MTIF3: variants seen among roughly 807,000 people sequenced by gnomAD.
The protein encoded by MTIF3 is mitochondrial translational initiation factor 3.
In MTIF3, 13 loss-of-function variants were observed where a neutral mutation model predicts 20.7. The ratio of observed to expected loss-of-function variants is 0.63; its 90% CI spans 0.41 to 1.00. MTIF3 has a LOEUF of 1.00. Ranked by LOEUF, MTIF3 falls within the 50% of genes least tolerant of loss-of-function variation. MTIF3 has a pLI of 0.00. For missense variants in MTIF3, 295 were observed against 324.5 expected (o/e 0.91, Z 0.70); for synonymous variants, 114 against 112.5 (o/e 1.01, Z -0.08).
chr13:27,442,355 C>T (rs1285431750), intron 2 of MTIF3, among the ~76,000 whole-genome samples: 1 of 152,216 alleles, frequency 6.6e-6, no homozygotes, highest in Non-Finnish European at 1.5e-5. Flanking sequence ...CCGCGCCGCT[C>T]AACTGCATCA....
At chr13:27,445,183 G>A (rs1954139847) in intron 1 of MTIF3, 27 bp from the exon 2 acceptor site, 1 of 152,124 alleles carries the variant, frequency 6.6e-6, no homozygotes, top group African/African-American at 2.4e-5. Context: ...AAAAGTAAAA[G>A]TAATTAGAAA....
At chr13:27,437,681 G>C (rs1392909395) in intron 3 of MTIF3, among the ~76,000 whole-genome samples, 2 of 152,164 alleles carry the variant, frequency 1.3e-5, no homozygotes, top group East Asian at 3.9e-4. Flanking sequence ...TGTTGGACAG[G>C]TAAGGGTCCC....
rs756220347 is a variant in MTIF3 at position 27,439,988 on chromosome 13, C to T, written c.460+1G>A. The stretch of plus-strand genomic sequence containing the variant: ...CAGGGAGCCAACAGCAAAATACCTA[C>T]CAGTTTTGGGGTTCGCCTTCTCCAT... On this transcript the variant is annotated splice_donor_variant, in intron 3 of 4. Coordinates refer to ENST00000381120, the MANE Select transcript of MTIF3 (RefSeq NM_152912.5). LOFTEE classifies it high-confidence loss of function. The T allele has an allele frequency of 6.8e-6, 11 of 1,611,964 alleles. No homozygotes were observed. The South Asian group carries it at 9.9e-5, about 14-fold the overall frequency.
chr13:27,437,215 G>A lies in MTIF3; in HGVS notation c.519C>T (p.Asp173=). Residue 173 remains aspartate, a synonymous_variant, in exon 4 of 5, where the codon GAC becomes GAT. Coordinates refer to ENST00000381120, the MANE Select transcript of MTIF3 (RefSeq NM_152912.5). ...LSSNIGQHDL[D]TKTKQIQQWI... is the part of the protein sequence containing the mutation. ...ACTGCTGAATCTGTTTAGTCTTTGT[G>A]TCCAAATCATGTTGTCCAATATTTG... 6.2e-7 allele frequency: 1 copy of A among 1,613,886 alleles called. No homozygotes were observed. The highest frequency in any genetic ancestry group is 8.5e-7 in the Non-Finnish European group (1 of 1,179,940).
chr13:27,442,803 A>G (rs113075922), intron 2 of MTIF3, among the ~76,000 whole-genome samples: 5 of 152,110 alleles, frequency 3.3e-5, no homozygotes, highest in African/African-American at 9.7e-5. Context: ...TCTCAAACCC[A>G]TTACCTTGCC....
chr13:27,436,706 T>A (rs1953769477), intron 4 of MTIF3, among the ~76,000 whole-genome samples: 1 of 151,498 alleles, frequency 6.6e-6, no homozygotes, highest in Non-Finnish European at 1.5e-5. Context: ...GGTGGAAGAA[T>A]TACCAGTCAC....
chr13:27,436,993 C>T (rs773482494), intron 4 of MTIF3, 123 bp downstream of exon 4: 55 of 903,736 alleles, frequency 6.1e-5, no homozygotes, highest in Middle Eastern at 2.8e-4. Context: ...TCTCGTGATC[C>T]GCCCACCTTG....
At chr13:27,438,639 G>C (rs969126639) in intron 3 of MTIF3, among the ~76,000 whole-genome samples, 1 of 152,006 alleles carries the variant, frequency 6.6e-6, no homozygotes, top group Non-Finnish European at 1.5e-5. Flanking sequence ...GGGATCACAG[G>C]TTTGCACCAC....
chr13:27,438,489 T>G (rs1043777435), intron 3 of MTIF3, among the ~76,000 whole-genome samples: 12,824 of 57,670 alleles, frequency 0.22, 974 homozygotes, highest in Non-Finnish European at 0.38. Flanking sequence ...GACTGTTTTT[T>G]TTTTTTTTTT....
chr13:27,446,915 A>C (rs1004165357), intron 1 of MTIF3, among the ~76,000 whole-genome samples: 8 of 152,178 alleles, frequency 5.3e-5, no homozygotes, highest in Non-Finnish European at 8.8e-5. Flanking sequence ...TGGTGCACTA[A>C]AATCTCAGAA....
rs1213224327 is a variant in MTIF3 at position 27,435,699 on chromosome 13, C to T, written c.813G>A (p.Lys271=). ...DTLNKDHGND[K]ESNVLHQ is the part of the protein sequence containing the mutation. ...ATTACTGATGCAGAACATTTGATTC[C>T]TTATCATTTCCATGGTCTTTGTTCA... The change falls in exon 5 of 5, where the codon AAG becomes AAA. Residue 271 remains lysine (K), a synonymous_variant. Transcript: ENST00000381120. 1 of 1,613,992 alleles carries T rather than the reference C, an allele frequency of 6.2e-7. No homozygotes were observed. The highest frequency in any genetic ancestry group is 1.7e-5 in the Admixed American group (1 of 60,008).
chr13:27,444,430 G>A (rs1479344585), intron 2 of MTIF3, among the ~76,000 whole-genome samples: 1 of 152,072 alleles, frequency 6.6e-6, no homozygotes, highest in Non-Finnish European at 1.5e-5. Context: ...GCAATTCATT[G>A]CAATTAAGCT....
intron 4 of MTIF3, 52 bp downstream of exon 4, chr13:27,437,064 T>G: frequency 1.3e-6 from 2 of 1,581,968 alleles, no homozygotes; most frequent in Non-Finnish European, 1.7e-6. Flanking sequence ...AATTGTATTT[T>G]TAGATCAGAA....
Position 27,444,259 on chromosome 13 carries a change from T to C in MTIF3, c.-2+829A>G, listed in dbSNP as rs542407664. On this transcript the variant is annotated intron_variant, in intron 2 of 4. Coordinates refer to ENST00000381120, the MANE Select transcript of MTIF3 (RefSeq NM_152912.5). ...AGGCGGAGCTAGCAGTGAGCGAGAT[T>C]GCGCCACTGCACTCCAGCCTGGGCG... Among the ~76,000 whole-genome samples the C allele has an allele frequency of 1.2e-4, 18 of 151,864 alleles. No homozygotes were observed. The South Asian group carries it at 2.3e-3, about 19-fold the overall frequency.
Position 27,437,017 on chromosome 13 carries a change from C to G in MTIF3, c.618+99G>C, listed in dbSNP as rs566251757. 4.7e-6 allele frequency: 6 copies of G among 1,276,044 alleles called. No individual in the cohort carries two copies. The Admixed American group carries it at 9.1e-5, about 19-fold the overall frequency. The allele number at this position is 1,276,044 out of a possible 1,614,324, so 79.0% of individuals were successfully genotyped here. ...CCGCCCACCTTGGCCTCCCAAAATG[C>G]TGGGATTACAGGCGTGAGCCACCGC... is the stretch of plus-strand genomic sequence containing the variant. On this transcript the variant is annotated intron_variant, in intron 4 of 4. Transcript: ENST00000381120.
intron 4 of MTIF3, 125 bp from the exon 5 acceptor site, chr13:27,436,018 A>G: frequency 1.4e-6 from 1 of 697,934 alleles, no homozygotes; most frequent in Non-Finnish European, 2.4e-6. Context: ...GTGATTAGCT[A>G]ATCAGTTCAT....
In MTIF3 at chr13:27,435,876, TTGATGAAATATCTCCTCCTAAAA is replaced by T. The variant is rs765696159; in HGVS notation, c.619-6_635del. ...CTATTCCAGGCATAGTCTGGAGTAT[TTGATGAAATATCTCCTCCTAAAA>T]AAGGGAAACAGCCAAAGATTAATTT... On this transcript the variant is annotated splice_acceptor_variant and splice_polypyrimidine_tract_variant and coding_sequence_variant and intron_variant, in exon 5 of 5. Transcript: ENST00000381120. LOFTEE classifies it high-confidence loss of function. The T allele has an allele frequency of 1.9e-6, 3 of 1,612,038 alleles. No homozygotes were observed. The African/African-American group carries it at 4.0e-5, about 22-fold the overall frequency.
Position 27,440,185 on chromosome 13 carries a change from G to A in MTIF3, c.264C>T (p.His88=). 5 of 1,614,174 alleles carry A rather than the reference G, an allele frequency of 3.1e-6. No individual in the cohort carries two copies. Among genetic ancestry groups the A allele is most frequent in the Non-Finnish European group, 4.2e-6 (5 of 1,180,030 alleles). ...VGRKISQRVI[H]LFDEKGNDLG... is the part of the protein sequence containing the mutation. ...AATCATTGCCCTTCTCATCAAATAA[G>A]TGAATAACTCGCTGACTAATTTTTC... Residue 88 remains histidine, a synonymous_variant, in exon 3 of 5, where the codon CAC becomes CAT. Coordinates refer to ENST00000381120, the MANE Select transcript of MTIF3 (RefSeq NM_152912.5).
rs1290532125 is a variant in MTIF3, at chr13:27,435,751, G to T, written c.761C>A (p.Thr254Asn). The part of the protein sequence containing the change: ...SKNEEKAYKE[T>N]QETQERDTLN... Reference sequence around the variant, plus strand: ...AGTGTCTCTTTCCTGGGTCTCTTGAGTTTCTTTATATGCCTTCTCCTCATT... The same window carrying T: ...AGTGTCTCTTTCCTGGGTCTCTTGATTTTCTTTATATGCCTTCTCCTCATT... The change falls in exon 5 of 5, where the codon ACT (threonine) becomes AAT (asparagine). Residue 254 changes from threonine to asparagine, a missense_variant. Physicochemically the swap from Thr to Asn is moderately conservative, Grantham distance 65 (BLOSUM62 0). Transcript: ENST00000381120. 3.1e-6 allele frequency: 5 copies of T among 1,614,074 alleles called. No homozygotes were observed. The Admixed American group carries it at 8.3e-5, about 27-fold the overall frequency.
Sources: allele counts gnomAD v4.1 joint callset (sites outside exome capture counted in the v4.1 genomes callset), GRCh38; gene constraint gnomAD v4.1.1; transcripts MANE v1.5; gene names NCBI Gene and HGNC (gene_info 2026-07-23, HGNC 2026-07-21).